IQCM: variants seen among roughly 807,000 people sequenced by gnomAD.
The protein encoded by IQCM is IQ motif containing M.
Under a neutral mutation model 57.6 loss-of-function variants are expected in IQCM, and 45 were observed. The ratio of observed to expected loss-of-function variants is 0.78; its 90% CI spans 0.62 to 1.00. The LOEUF (loss-of-function observed/expected upper bound fraction) is 1.00, where lower values mean the gene tolerates loss of function less well. Among genes scored for constraint, IQCM ranks in the 50% least tolerant of loss-of-function variants. The pLI, the probability that IQCM is intolerant of heterozygous loss-of-function variation, is 0.00. For synonymous variants in IQCM, 148 were observed against 158.9 expected, an observed-to-expected ratio of 0.93 and a Z score of 0.51; for missense variants, 468 against 511.6, an observed-to-expected ratio of 0.91 and a Z score of 0.82.
At chr4:149,514,149 T>C (rs982823105) in intron 12 of IQCM, among the ~76,000 whole-genome samples, 7 of 152,132 alleles carry the variant, frequency 4.6e-5, no homozygotes, top group Admixed American at 4.6e-4. Context: ...TTGGGAGTAA[T>C]AATTAAAAAT....
chr4:149,620,532 C>T (rs949127515), intron 8 of IQCM, among the ~76,000 whole-genome samples: 52 of 152,296 alleles, frequency 3.4e-4, no homozygotes, highest in Non-Finnish European at 5.3e-4. Flanking sequence ...AATAGCATTA[C>T]GTGGCCTTTT....
chr4:149,792,912 G>T (rs1031692879), intron 2 of IQCM, among the ~76,000 whole-genome samples: 1 of 152,076 alleles, frequency 6.6e-6, no homozygotes, highest in Admixed American at 6.6e-5. Flanking sequence ...GCAAAATCAG[G>T]TTCTACCGTA....
At chr4:149,524,476 A>T (rs1745965487) in intron 12 of IQCM, among the ~76,000 whole-genome samples, 2 of 152,088 alleles carry the variant, frequency 1.3e-5, no homozygotes, top group Admixed American at 6.5e-5. Flanking sequence ...AACTAAAATT[A>T]GAACTCTCTT....
chr4:149,549,212 G>C (rs542896804), intron 11 of IQCM, among the ~76,000 whole-genome samples: 1 of 152,266 alleles, frequency 6.6e-6, no homozygotes, highest in East Asian at 1.9e-4. Flanking sequence ...AAAGGAGTTA[G>C]ATAATGAGCA....
rs183867628 is a variant in IQCM, at chr4:149,674,307, T to C, written c.565+7811A>G. ...ACTTTTACAAAATAAAATGCCAGTA[T>C]CTTAGTTAATCCAACAAAATATAGT... On this transcript the variant is annotated intron_variant, in intron 7 of 13. Coordinates refer to ENST00000636793, the MANE Select transcript of IQCM (RefSeq NM_001363507.2). 1.0e-3 allele frequency among the ~76,000 whole-genome samples: 152 copies of C among 152,268 alleles called. 1 individual carries two copies. Among genetic ancestry groups the C allele is most frequent in the African/African-American group, 3.4e-3 (141 of 41,574 alleles).
intron 10 of IQCM, among the ~76,000 whole-genome samples, chr4:149,558,237 T>C (rs538243374): frequency 6.6e-6 from 1 of 152,284 alleles, no homozygotes; most frequent in African/African-American, 2.4e-5. Flanking sequence ...ATGGCTCCAG[T>C]TAGAATCAGT....
rs186892224 is a variant in IQCM at position 149,754,867 on chromosome 4, G to A, written c.-48-12128C>T. ...ATTTTTATCCTGGGCCTCTCCCCTT[G>A]TCTATCTCACATCTTCATTCGGATG... On this transcript the variant is annotated intron_variant, in intron 2 of 13. Transcript: ENST00000636793. Among the ~76,000 whole-genome samples, 71 of 152,242 alleles carry A rather than the reference G, an allele frequency of 4.7e-4. 1 individual carries two copies. The highest frequency in any genetic ancestry group is 2.7e-3 in the Admixed American group (41 of 15,290).
At chr4:149,393,237 ATAAT>A in intron 13 of IQCM, among the ~76,000 whole-genome samples, 1 of 152,110 alleles carries the variant, frequency 6.6e-6, no homozygotes, top group Non-Finnish European at 1.5e-5. Flanking sequence ...GCAATGTGAA[ATAAT>A]TAGATTTCTG....
chr4:149,381,932 G>A (rs2111037478), intron 13 of IQCM, among the ~76,000 whole-genome samples: 1 of 151,994 alleles, frequency 6.6e-6, no homozygotes, highest in African/African-American at 2.4e-5. Flanking sequence ...GTGCCACCAA[G>A]CCCAGCTAAT....
chr4:149,421,995 A>G (rs1278384304), intron 13 of IQCM, among the ~76,000 whole-genome samples: 1 of 151,958 alleles, frequency 6.6e-6, no homozygotes, highest in East Asian at 1.9e-4. Context: ...ACAATTATCA[A>G]ATGTTCTAAT....
At chr4:149,509,748 A>T (rs534860022) in intron 12 of IQCM, among the ~76,000 whole-genome samples, 227 of 152,158 alleles carry the variant, frequency 1.5e-3, no homozygotes, top group African/African-American at 5.2e-3. Flanking sequence ...TATAAAAGGC[A>T]ATTGTATTTT....
At chr4:149,599,847 C>T (rs914192332) in intron 8 of IQCM, among the ~76,000 whole-genome samples, 2 of 152,078 alleles carry the variant, frequency 1.3e-5, no homozygotes, top group Non-Finnish European at 2.9e-5. Context: ...ATACTTGTTA[C>T]TAATTTTTTA....
At chr4:149,568,892 G>A (rs1194970494) in intron 9 of IQCM, among the ~76,000 whole-genome samples, 2 of 152,176 alleles carry the variant, frequency 1.3e-5, no homozygotes, top group East Asian at 1.9e-4. Context: ...CAACGTGATT[G>A]TGCAGCCCTA....
chr4:149,440,750 A>T (rs80167882), intron 12 of IQCM, among the ~76,000 whole-genome samples: 4,373 of 152,170 alleles, frequency 0.029, 178 homozygotes, highest in African/African-American at 0.097. Flanking sequence ...ATGTTTTTTT[A>T]AATTTATGTA....
Position 149,563,677 on chromosome 4 carries a change from T to G in IQCM, c.948+15A>C, listed in dbSNP as rs956002983. On this transcript the variant is annotated intron_variant, in intron 10 of 13. Transcript: ENST00000636793. ...GAAATTTTAAACACATTATAATATC[T>G]GATGGATATCTTACCTTGGTCATTA... 3.3e-6 allele frequency: 4 copies of G among 1,226,278 alleles called. No homozygotes were observed. Among genetic ancestry groups the G allele is most frequent in the Non-Finnish European group, 2.0e-6 (2 of 982,616 alleles). 76.0% of individuals were successfully genotyped at this position (1,226,278 alleles called of 1,614,324 possible). A position where few individuals can be genotyped will look rare whatever the true frequency, so the allele number is the denominator to read the frequency against.
Position 149,642,682 on chromosome 4 carries a change from T to C in IQCM, c.566-21438A>G, listed in dbSNP as rs187124541. On this transcript the variant is annotated intron_variant, in intron 7 of 13. Transcript: ENST00000636793. ...TAAAGTACGTTTTAGAACACTAGAA[T>C]ACTGTTCCAGTACATTAAATTTGAG... is the stretch of plus-strand genomic sequence containing the variant. Among the ~76,000 whole-genome samples the C allele has an allele frequency of 2.8e-4, 42 of 152,278 alleles. No homozygotes were observed. The East Asian group carries it at 6.2e-3, about 22-fold the overall frequency.
At chr4:149,624,645 A>G (rs1756643010) in intron 7 of IQCM, among the ~76,000 whole-genome samples, 1 of 152,212 alleles carries the variant, frequency 6.6e-6, no homozygotes, top group South Asian at 2.1e-4. Flanking sequence ...CAATCCCCAC[A>G]TCTATAATTT....
chr4:149,544,772 G>T (rs1446040022), intron 12 of IQCM, among the ~76,000 whole-genome samples: 1 of 152,122 alleles, frequency 6.6e-6, no homozygotes, highest in Non-Finnish European at 1.5e-5. Flanking sequence ...TGTGGCAAGG[G>T]TGACAAGAAT....
chr4:149,756,365 T>G (rs1768962286), intron 2 of IQCM, among the ~76,000 whole-genome samples: 1 of 152,176 alleles, frequency 6.6e-6, no homozygotes, highest in South Asian at 2.1e-4. Flanking sequence ...GAAGACAATG[T>G]TTTAAAACAT....
Sources: allele counts gnomAD v4.1 joint callset (sites outside exome capture counted in the v4.1 genomes callset), GRCh38; gene constraint gnomAD v4.1.1; transcripts MANE v1.5; gene names NCBI Gene and HGNC (gene_info 2026-07-23, HGNC 2026-07-21).